The following TIE1 variants were observed in gnomAD, a reference collection of about 807,000 sequenced individuals.
TIE1 encodes tyrosine kinase with immunoglobulin like and EGF like domains 1, also known as tyrosine-protein kinase receptor Tie-1.
A neutral mutation model predicts 130.5 loss-of-function variants in TIE1; 89 were observed. The ratio of observed to expected loss-of-function variants is 0.68; its 90% CI spans 0.57 to 0.81. The LOEUF is 0.81. Among genes scored for constraint, TIE1 ranks in the 40% least tolerant of loss-of-function variants. TIE1 has a pLI of 0.00. For synonymous variants in TIE1, 568 were observed against 629.4 expected (o/e 0.90, Z 1.46); for missense variants, 1,392 against 1,559.8 (o/e 0.89, Z 1.81).
Position 43,302,189 on chromosome 1 carries a change from A to G in TIE1, c.58+1060A>G, listed in dbSNP as rs112436246. Among the ~76,000 whole-genome samples, 1,196 of 152,328 alleles carry G rather than the reference A, an allele frequency of 7.9e-3. 15 individuals are homozygous for G. Among genetic ancestry groups the G allele is most frequent in the African/African-American group, 0.027 (1,133 of 41,562 alleles). On this transcript the variant is annotated intron_variant, in intron 1 of 22. Coordinates refer to ENST00000372476, the MANE Select transcript of TIE1 (RefSeq NM_005424.5). The stretch of plus-strand genomic sequence containing the variant: ...CCAACAATATTCCAGGAGTTGTGCT[A>G]AGTGCTGGGCCATTAGTTGAGAGGC...
At chr1:43,311,098 C>G (rs149096779) in intron 9 of TIE1, among the ~76,000 whole-genome samples, 1 of 152,108 alleles carries the variant, frequency 6.6e-6, no homozygotes, top group African/African-American at 2.4e-5. Context: ...AGGCGGCCTG[C>G]GCAGACAGAC....
Position 43,312,291 on chromosome 1 carries a change from A to AG in TIE1, c.1631-14_1631-13insG. 1 of 1,538,830 alleles carries AG rather than the reference A, an allele frequency of 6.5e-7. No individual in the cohort carries two copies. The highest frequency in any genetic ancestry group is 8.8e-7 in the Non-Finnish European group (1 of 1,141,412). On this transcript the variant is annotated splice_polypyrimidine_tract_variant and intron_variant, in intron 11 of 22. Transcript: ENST00000372476. This position sits in a 1 kb window ranked among gnomAD's most constrained non-coding sequence, Gnocchi z 5.6. ...ACCTACTGGACAGTTCTGACCCCTG[A>AG]CCTCTGGCCCCAGAGCCTTTGTTGC... is the stretch of plus-strand genomic sequence containing the variant.
chr1:43,307,886 G>A lies in TIE1; in HGVS notation c.1004G>A (p.Cys335Tyr). Reference sequence around the variant, plus strand: ...TGTGACCGGTTCAGTGGTTGTGTCTGCCCCTCTGGGTGGCATGGAGTGCAC... The same window carrying A: ...TGTGACCGGTTCAGTGGTTGTGTCTACCCCTCTGGGTGGCATGGAGTGCAC... The part of the protein sequence containing the change: ...GTCDRFSGCV[C>Y]PSGWHGVHCE... Residue 335 changes from cysteine to tyrosine, a missense_variant, in exon 7 of 23, where the codon TGC becomes TAC. By Grantham distance (194) the Cys-to-Tyr change is radical. Transcript: ENST00000372476. The surrounding 1 kb of genome is among the most constrained non-coding windows in gnomAD (Gnocchi z 5.4). 6.2e-7 allele frequency: 1 copy of A among 1,614,168 alleles called. No homozygotes were observed. The highest frequency in any genetic ancestry group is 1.1e-5 in the South Asian group (1 of 91,078).
At position 43,305,385 on chromosome 1, in the gene TIE1, C is replaced by A. The variant is rs754412182; in HGVS notation, c.484+42C>A. 11 of 1,465,776 alleles carry A rather than the reference C, an allele frequency of 7.5e-6. No homozygotes were observed. The East Asian group carries it at 2.7e-4, about 36-fold the overall frequency. The allele number at this position is 1,465,776 out of a possible 1,614,324, so 90.8% of individuals were successfully genotyped here. On this transcript the variant is annotated intron_variant, in intron 3 of 22. Transcript: ENST00000372476. ...GAACTGGTGGGGAGGGTAGACCCATCGTTCTGAGGCCCCAACACTTTCATG... is the reference window on the plus strand; with the variant it reads ...GAACTGGTGGGGAGGGTAGACCCATAGTTCTGAGGCCCCAACACTTTCATG...
At chr1:43,314,222 T>A in intron 14 of TIE1, 1 of 693,172 alleles carries the variant, frequency 1.4e-6, no homozygotes, top group Non-Finnish European at 2.3e-6. Flanking sequence ...AAGAATTCCG[T>A]GATGACCATA....
chr1:43,316,083 T>C lies in TIE1; in HGVS notation c.2410-1116T>C, dbSNP rs916988541. 4.6e-5 allele frequency among the ~76,000 whole-genome samples: 7 copies of C among 152,170 alleles called. No individual in the cohort carries two copies. The highest frequency in any genetic ancestry group is 1.4e-4 in the African/African-American group (6 of 41,448). On this transcript the variant is annotated intron_variant, in intron 14 of 22. Coordinates refer to ENST00000372476, the MANE Select transcript of TIE1 (RefSeq NM_005424.5). The surrounding 1 kb of genome is among the most constrained non-coding windows in gnomAD (Gnocchi z 4.4). ...CAAAACAAACAAAAAGATATATCCC[T>C]GGTACATGTGCCTGCATATGGATAG...
Position 43,322,734 on chromosome 1 carries a change from G to A in TIE1, c.*12G>A. The A allele has an allele frequency of 2.5e-6, 4 of 1,613,048 alleles. No homozygotes were observed. The highest frequency in any genetic ancestry group is 3.4e-6 in the Non-Finnish European group (4 of 1,179,844). ...CTGAGGAGGCCTGAGCTGCCATCCA[G>A]CCAGAACGTGGCTCTGCTGGCCGGA... On this transcript the variant is annotated 3_prime_UTR_variant, in exon 23 of 23. Transcript: ENST00000372476. The surrounding 1 kb of genome is among the most constrained non-coding windows in gnomAD (Gnocchi z 4.0).
rs1646816110 is a variant in TIE1 at position 43,313,101 on chromosome 1, A to G, written c.1928-34A>G. 1 of 1,579,170 alleles carries G rather than the reference A, an allele frequency of 6.3e-7. No individual in the cohort carries two copies. The highest frequency in any genetic ancestry group is 8.6e-7 in the Non-Finnish European group (1 of 1,163,354). ...CCCCACAGCTACATAGCCCGGTCCT[A>G]TCTGAGCCTTGCCTTCCCCCACCAT... On this transcript the variant is annotated intron_variant, in intron 12 of 22. Transcript: ENST00000372476. The surrounding 1 kb of genome is among the most constrained non-coding windows in gnomAD (Gnocchi z 6.2).
intron 22 of TIE1, among the ~76,000 whole-genome samples, 157 bp downstream of exon 22, chr1:43,321,872 T>G (rs565178830): frequency 6.6e-6 from 1 of 152,284 alleles, no homozygotes; most frequent in African/African-American, 2.4e-5. Flanking sequence ...GGATGCAGCC[T>G]GCCTTTCCAG....
Position 43,318,926 on chromosome 1 carries a change from G to A in TIE1, c.2923-309G>A, listed in dbSNP as rs1646887089. Among the ~76,000 whole-genome samples the A allele has an allele frequency of 6.6e-6, 1 of 152,084 alleles. No homozygotes were observed. Among genetic ancestry groups the A allele is most frequent in the Admixed American group, 6.5e-5 (1 of 15,268 alleles). On this transcript the variant is annotated intron_variant, in intron 17 of 22. Coordinates refer to ENST00000372476, the MANE Select transcript of TIE1 (RefSeq NM_005424.5). The surrounding 1 kb of genome is among the most constrained non-coding windows in gnomAD (Gnocchi z 4.4). ...GGGGAAGCTGGAGGGCTAAGGGAGAGAAACTGGAACCCAGGGGATGGGAAG... is the reference window on the plus strand; with the variant it reads ...GGGGAAGCTGGAGGGCTAAGGGAGAAAAACTGGAACCCAGGGGATGGGAAG...
chr1:43,308,510 AAATG>A (rs1646754505), intron 7 of TIE1, among the ~76,000 whole-genome samples: 9 of 151,914 alleles, frequency 5.9e-5, no homozygotes, highest in South Asian at 2.1e-4. Context: ...GGGACTGGGG[AAATG>A]GTCAGAAGAG....
In TIE1 at chr1:43,305,007, C is replaced by A. The variant is rs1470398107; in HGVS notation, c.215C>A (p.Thr72Asn). ...LLEKDDRIVR[T>N]PPGPPLRLAR... ...GAGAAGGACGACCGTATCGTGCGCACCCCGCCCGGGCCACCCCTGCGCCTG... is the reference window on the plus strand; with the variant it reads ...GAGAAGGACGACCGTATCGTGCGCAACCCGCCCGGGCCACCCCTGCGCCTG... Residue 72 changes from threonine to asparagine, a missense_variant, in exon 2 of 23, where the codon ACC (threonine) becomes AAC (asparagine). Transcript: ENST00000372476. The A allele has an allele frequency of 1.3e-6, 2 of 1,545,028 alleles. No homozygotes were observed. The highest frequency in any genetic ancestry group is 1.2e-5 in the South Asian group (1 of 80,848).
At position 43,305,298 on chromosome 1, in the gene TIE1, C is replaced by T; in HGVS notation, c.439C>T (p.Arg147Cys). Reference sequence around the variant, plus strand: ...AGGTGACACCGCTGTACTTTCTGCACGTGTGCACAAGGAGAAGCAGACAGA... The same window carrying T: ...AGGTGACACCGCTGTACTTTCTGCATGTGTGCACAAGGAGAAGCAGACAGA... ...NKGDTAVLSA[R>C]VHKEKQTDVI... Residue 147 changes from arginine to cysteine, a missense_variant, in exon 3 of 23, where the codon CGT becomes TGT. Arg to Cys is a radical substitution (Grantham distance 180). Coordinates refer to ENST00000372476, the MANE Select transcript of TIE1 (RefSeq NM_005424.5). 3.1e-6 allele frequency: 5 copies of T among 1,602,558 alleles called. No homozygotes were observed. Among genetic ancestry groups the T allele is most frequent in the East Asian group, 2.2e-5 (1 of 44,562 alleles).
rs1314930781 is a variant in TIE1 at position 43,319,049 on chromosome 1, C to T, written c.2923-186C>T. On this transcript the variant is annotated intron_variant, in intron 17 of 22. Coordinates refer to ENST00000372476, the MANE Select transcript of TIE1 (RefSeq NM_005424.5). The surrounding 1 kb of genome is among the most constrained non-coding windows in gnomAD (Gnocchi z 4.7). ...CCTGAACTTGGTCAGGGCCCAGGAA[C>T]GAGCGGGTGAGAGCCAACACTGATC... Among the ~76,000 whole-genome samples the T allele has an allele frequency of 1.3e-5, 2 of 152,096 alleles. No homozygotes were observed. The highest frequency in any genetic ancestry group is 1.5e-5 in the Non-Finnish European group (1 of 68,024).
chr1:43,308,072 T>C (rs1361907818), intron 7 of TIE1, 148 bp downstream of exon 7: 1 of 1,250,802 alleles, frequency 8.0e-7, no homozygotes, highest in Non-Finnish European at 1.1e-6. Context: ...GACAGGGAGC[T>C]CTGGCAGGGA....
chr1:43,313,257 G>T lies in TIE1; in HGVS notation c.2050G>T (p.Ala684Ser). ...CAAGTACGTTGTGGAGGTGCAGGTG[G>T]CTGGGGGTGCAGGAGACCCACTGTG... ...ISKYVVEVQVAGGAGDPLWID... is the reference protein window; with the variant it reads ...ISKYVVEVQVSGGAGDPLWID... The change falls in exon 13 of 23, where the codon GCT becomes TCT. Residue 684 changes from alanine to serine, a missense_variant. By Grantham distance (99) the Ala-to-Ser change is moderately conservative. Transcript: ENST00000372476. This position sits in a 1 kb window ranked among gnomAD's most constrained non-coding sequence, Gnocchi z 6.2. 6.2e-7 allele frequency: 1 copy of T among 1,614,052 alleles called. No individual in the cohort carries two copies. Among genetic ancestry groups the T allele is most frequent in the Non-Finnish European group, 8.5e-7 (1 of 1,179,938 alleles).
chr1:43,315,299 C>G lies in TIE1; in HGVS notation c.2409+1331C>G, dbSNP rs1646848416. The G allele has an allele frequency of 6.6e-6, 1 of 152,356 alleles. No homozygotes were observed. The highest frequency in any genetic ancestry group is 1.5e-5 in the Non-Finnish European group (1 of 68,044). 9.4% of individuals were successfully genotyped at this position (152,356 alleles called of 1,614,324 possible). A position where few individuals can be genotyped will look rare whatever the true frequency, so the allele number is the denominator to read the frequency against. On this transcript the variant is annotated intron_variant, in intron 14 of 22. Coordinates refer to ENST00000372476, the MANE Select transcript of TIE1 (RefSeq NM_005424.5). The surrounding 1 kb of genome is among the most constrained non-coding windows in gnomAD (Gnocchi z 4.4). ...AAAAAATAAAAAAAGAAAGAAAACC[C>G]TCTTCTCTCTCAAGGGCTGATCCTT...
Position 43,319,640 on chromosome 1 carries a change from G to GTGTTC in TIE1, c.3107+112_3107+116dup. On this transcript the variant is annotated intron_variant, in intron 19 of 22. Transcript: ENST00000372476. This position sits in a 1 kb window ranked among gnomAD's most constrained non-coding sequence, Gnocchi z 4.7. ...GGTGGTCTAAGGCATGACCTGGGCT[G>GTGTTC]TGTTCCAGGTGTGACACAGGTGTGT... 9.1e-7 allele frequency: 1 copy of GTGTTC among 1,102,074 alleles called. No homozygotes were observed. Among genetic ancestry groups the GTGTTC allele is most frequent in the Non-Finnish European group, 1.4e-6 (1 of 727,338 alleles). The allele number at this position is 1,102,074 out of a possible 1,614,324, so 68.3% of individuals were successfully genotyped here. A position where few individuals can be genotyped will look rare whatever the true frequency, so the allele number is the denominator to read the frequency against.
At chr1:43,308,676 C>A (rs1286773810) in intron 7 of TIE1, among the ~76,000 whole-genome samples, 1 of 152,116 alleles carries the variant, frequency 6.6e-6, no homozygotes, top group Non-Finnish European at 1.5e-5. Flanking sequence ...AGGAGACCCT[C>A]GAGGACTCTG....
Sources: allele counts gnomAD v4.1 joint callset (sites outside exome capture counted in the v4.1 genomes callset), GRCh38; gene constraint gnomAD v4.1.1; non-coding constraint Gnocchi (gnomAD v3.1); transcripts MANE v1.5; gene names NCBI Gene and HGNC (gene_info 2026-07-23, HGNC 2026-07-21).